The following INVS variants were observed in gnomAD, a reference collection of about 807,000 sequenced individuals.
INVS encodes inversin.
INVS carries 86 observed loss-of-function variants against 108.8 expected under a neutral mutation model. That is an observed-to-expected ratio of 0.79 (90% CI 0.66 to 0.95). The LOEUF (loss-of-function observed/expected upper bound fraction) is 0.95, where lower values mean the gene tolerates loss of function less well. Among genes scored for constraint, INVS ranks in the 40% least tolerant of loss-of-function variants. The pLI is 0.00. For synonymous variants in INVS, 455 were observed against 473.5 expected, an observed-to-expected ratio of 0.96 and a Z score of 0.51; for missense variants, 1,169 against 1,297.4, an observed-to-expected ratio of 0.90 and a Z score of 1.52.
intron 3 of INVS, among the ~76,000 whole-genome samples, chr9:100,132,772 C>G (rs554193569): frequency 2.3e-5 from 2 of 88,870 alleles, no homozygotes; most frequent in Non-Finnish European, 4.1e-5. Context: ...TTGCATATGC[C>G]TGGAATTTTT....
intron 5 of INVS, among the ~76,000 whole-genome samples, chr9:100,236,287 T>A (rs1831685354): frequency 6.6e-6 from 1 of 152,204 alleles, no homozygotes. Context: ...TTAGCTTCCT[T>A]GCATTGGGTT....
At chr9:100,270,071 C>T (rs962744141) in intron 11 of INVS, among the ~76,000 whole-genome samples, 1 of 152,032 alleles carries the variant, frequency 6.6e-6, no homozygotes, top group African/African-American at 2.4e-5. Flanking sequence ...AAGTGATAGT[C>T]ATCGTTACCA....
chr9:100,298,463 C>T (rs1833855459), intron 16 of INVS: 1 of 376,372 alleles, frequency 2.7e-6, no homozygotes, highest in Non-Finnish European at 3.7e-6. Context: ...AGGAGAAGCT[C>T]AGGGAACTTT....
intron 10 of INVS, among the ~76,000 whole-genome samples, chr9:100,256,451 CTGCTAGCTT>C (rs1245527074): frequency 6.6e-6 from 1 of 152,184 alleles, no homozygotes; most frequent in East Asian, 1.9e-4. Flanking sequence ...TTCTTGCCTT[CTGCTAGCTT>C]TTGAATGTGG....
At chr9:100,153,004 A>AT (rs1236831883) in intron 3 of INVS, among the ~76,000 whole-genome samples, 1 of 117,888 alleles carries the variant, frequency 8.5e-6, no homozygotes, top group African/African-American at 4.2e-5. Flanking sequence ...TTGTTAACTA[A>AT]TTGTGTGTGT....
intron 3 of INVS, among the ~76,000 whole-genome samples, chr9:100,201,669 T>C (rs1830535923): frequency 6.6e-6 from 1 of 152,214 alleles, no homozygotes; most frequent in Non-Finnish European, 1.5e-5. Flanking sequence ...CACAACAAGA[T>C]ATAAGACTGG....
intron 13 of INVS, among the ~76,000 whole-genome samples, chr9:100,285,592 G>C (rs1833415755): frequency 6.6e-6 from 1 of 152,220 alleles, no homozygotes; most frequent in Non-Finnish European, 1.5e-5. Flanking sequence ...TGAGCAAAGA[G>C]AAAAGGTGTA....
intron 3 of INVS, among the ~76,000 whole-genome samples, chr9:100,197,925 G>A (rs757297131): frequency 6.6e-6 from 1 of 152,148 alleles, no homozygotes; most frequent in Non-Finnish European, 1.5e-5. Context: ...AAGGAAAGCA[G>A]AAGGTCAGAG....
chr9:100,117,740 A>G (rs1164844432), intron 2 of INVS: 11 of 547,108 alleles, frequency 2.0e-5, no homozygotes, highest in Non-Finnish European at 3.5e-5. Context: ...TGGTGCTATT[A>G]TGGACTGAAT....
At chr9:100,299,522 C>T (rs933547887) in intron 16 of INVS, among the ~76,000 whole-genome samples, 4 of 151,170 alleles carry the variant, frequency 2.6e-5, no homozygotes, top group African/African-American at 9.7e-5. Flanking sequence ...AACCACCCAC[C>T]AAGAATCTCA....
intron 3 of INVS, among the ~76,000 whole-genome samples, chr9:100,218,334 G>A (rs1178911333): frequency 6.6e-6 from 1 of 152,150 alleles, no homozygotes; most frequent in African/African-American, 2.4e-5. Context: ...CCAAAGTATT[G>A]GTTTTGGGAA....
At chr9:100,128,966 C>A (rs906442422) in intron 3 of INVS, among the ~76,000 whole-genome samples, 5 of 152,116 alleles carry the variant, frequency 3.3e-5, no homozygotes, top group African/African-American at 1.2e-4. Flanking sequence ...AAGAGGCTCT[C>A]TTGAGGCCAG....
At chr9:100,236,547 G>A (rs1401167483) in intron 5 of INVS, among the ~76,000 whole-genome samples, 1 of 152,106 alleles carries the variant, frequency 6.6e-6, no homozygotes, top group Non-Finnish European at 1.5e-5. Flanking sequence ...TTTTGTGTGG[G>A]TGTCCTTTTT....
chr9:100,232,688 C>T (rs1022038457), intron 5 of INVS, among the ~76,000 whole-genome samples: 1 of 151,952 alleles, frequency 6.6e-6, no homozygotes, highest in African/African-American at 2.4e-5. Context: ...ATTTCTGAGG[C>T]CTCTGTTCTG....
chr9:100,229,867 A>T (rs1385414402), intron 5 of INVS, 40 bp downstream of exon 5: 2 of 1,595,982 alleles, frequency 1.3e-6, no homozygotes, highest in African/African-American at 1.3e-5. Flanking sequence ...TGGCCTTGAA[A>T]TTTTTTTATT....
chr9:100,134,249 G>T (rs1828151823), intron 3 of INVS, among the ~76,000 whole-genome samples: 1 of 152,088 alleles, frequency 6.6e-6, no homozygotes, highest in South Asian at 2.1e-4. Context: ...TCTCATCCAG[G>T]TCATTGCAAA....
chr9:100,207,484 G>A (rs1331797692), intron 3 of INVS, among the ~76,000 whole-genome samples: 1 of 151,820 alleles, frequency 6.6e-6, no homozygotes, highest in Admixed American at 6.6e-5. Flanking sequence ...GTAGAGATGG[G>A]GTTTCGTCGT....
chr9:100,237,455 G>C (rs1445886941), intron 5 of INVS, among the ~76,000 whole-genome samples: 1 of 152,152 alleles, frequency 6.6e-6, no homozygotes, highest in Non-Finnish European at 1.5e-5. Flanking sequence ...CGGCCACCCA[G>C]TTTTGCGCTT....
At chr9:100,164,495 T>C (rs142199406) in intron 3 of INVS, among the ~76,000 whole-genome samples, 70 of 152,268 alleles carry the variant, frequency 4.6e-4, no homozygotes, top group African/African-American at 1.5e-3. Context: ...TGACCCTCCA[T>C]GTATCATCAC....
Sources: gnomAD v4.1 joint callset for allele counts (sites outside exome capture counted in the v4.1 genomes callset) on GRCh38, gnomAD v4.1.1 for gene constraint, MANE v1.5 for transcripts, NCBI Gene and HGNC (gene_info 2026-07-23, HGNC 2026-07-21) for gene names.